Variants in CSGALNACT1 observed in about 807,000 individuals in gnomAD.
The protein encoded by CSGALNACT1 is chondroitin sulfate N-acetylgalactosaminyltransferase 1.
Under a neutral mutation model 51.0 loss-of-function variants are expected in CSGALNACT1, and 52 were observed. The observed-to-expected ratio is 1.02, with a 90% CI of 0.82 to 1.29. The LOEUF (loss-of-function observed/expected upper bound fraction) is 1.29. CSGALNACT1 is among the 50% of genes most tolerant of loss of function. The pLI is 0.00. For missense variants in CSGALNACT1, 935 were observed against 679.2 expected, an observed-to-expected ratio of 1.38 and a Z score of -4.19; for synonymous variants, 341 against 254.4, an observed-to-expected ratio of 1.34 and a Z score of -3.24.
At chr8:19,645,575 C>T (rs770085946) in intron 1 of CSGALNACT1, among the ~76,000 whole-genome samples, 9 of 152,282 alleles carry the variant, frequency 5.9e-5, no homozygotes, top group Admixed American at 4.6e-4. Context: ...GAAGGGTGGG[C>T]GTAAGGTTGA....
intron 4 of CSGALNACT1, among the ~76,000 whole-genome samples, chr8:19,474,191 C>T (rs2068856683): frequency 6.6e-6 from 1 of 152,118 alleles, no homozygotes; most frequent in African/African-American, 2.4e-5. Context: ...TTTCTTGTCT[C>T]TGTGGGCTCC....
At chr8:19,577,354 G>A (rs1024781669) in intron 3 of CSGALNACT1, among the ~76,000 whole-genome samples, 12 of 149,920 alleles carry the variant, frequency 8.0e-5, no homozygotes, top group African/African-American at 3.0e-4. Flanking sequence ...CTTGAGGCCA[G>A]GGGTTTGAGA....
chr8:19,638,488 G>T (rs1462854600), intron 1 of CSGALNACT1, among the ~76,000 whole-genome samples: 1 of 152,118 alleles, frequency 6.6e-6, no homozygotes, highest in Non-Finnish European at 1.5e-5. Context: ...GTTCTCAGCA[G>T]CATTACAATA....
chr8:19,511,858 C>A lies in CSGALNACT1; in HGVS notation c.-296-5728G>T, dbSNP rs960382026. Among the ~76,000 whole-genome samples, 4 of 152,282 alleles carry A rather than the reference C, an allele frequency of 2.6e-5. No homozygotes were observed. In the East Asian group the frequency reaches 5.8e-4, roughly 22 times the overall value. Reference sequence around the variant, plus strand: ...CTTACAATCATGGTGGAAGGGAAACCAAGCATATCTTCACATGGCAGCAGA... The same window carrying A: ...CTTACAATCATGGTGGAAGGGAAACAAAGCATATCTTCACATGGCAGCAGA... On this transcript the variant is annotated intron_variant, in intron 3 of 9. Transcript: ENST00000454498.
chr8:19,619,854 GGCAGTATAAT>G (rs1247623908), intron 1 of CSGALNACT1, among the ~76,000 whole-genome samples: 1 of 152,164 alleles, frequency 6.6e-6, no homozygotes, highest in Non-Finnish European at 1.5e-5. Context: ...GTTGACAAGA[GGCAGTATAAT>G]GCAGTGGTCA....
intron 1 of CSGALNACT1, among the ~76,000 whole-genome samples, chr8:19,614,685 T>A (rs886775839): frequency 6.6e-6 from 1 of 152,198 alleles, no homozygotes; most frequent in Non-Finnish European, 1.5e-5. Context: ...AATAGGTGTT[T>A]AATAAACTCT....
At chr8:19,476,613 A>G (rs2069727883) in intron 4 of CSGALNACT1, among the ~76,000 whole-genome samples, 1 of 152,078 alleles carries the variant, frequency 6.6e-6, no homozygotes, top group Non-Finnish European at 1.5e-5. Flanking sequence ...CTTGAATCAC[A>G]GGGGCCTATA....
intron 6 of CSGALNACT1, among the ~76,000 whole-genome samples, chr8:19,430,214 A>T (rs1288771108): frequency 1.3e-5 from 2 of 152,212 alleles, no homozygotes; most frequent in Non-Finnish European, 2.9e-5. Context: ...AGTTCAACTT[A>T]TCTGCTTATT....
chr8:19,605,384 T>A (rs1225918329), upstream of CSGALNACT1, among the ~76,000 whole-genome samples: 1 of 152,054 alleles, frequency 6.6e-6, no homozygotes, highest in East Asian at 1.9e-4. Context: ...CGCAGTGAGC[T>A]GAGACGGTGC....
chr8:19,516,103 T>A (rs1323678410), intron 3 of CSGALNACT1, among the ~76,000 whole-genome samples: 1 of 152,126 alleles, frequency 6.6e-6, no homozygotes, highest in East Asian at 1.9e-4. Context: ...AAACCAGCCT[T>A]CCAACACCCT....
At chr8:19,654,127 T>G (rs567799127) in intron 1 of CSGALNACT1, among the ~76,000 whole-genome samples, 5 of 152,326 alleles carry the variant, frequency 3.3e-5, no homozygotes, top group Non-Finnish European at 7.3e-5. Context: ...GCTTTCAGAG[T>G]GCTTGAGGAC....
chr8:19,459,704 C>T (rs898971909), intron 4 of CSGALNACT1, among the ~76,000 whole-genome samples: 21 of 152,280 alleles, frequency 1.4e-4, no homozygotes, highest in African/African-American at 5.1e-4. Flanking sequence ...CTTCATGCTC[C>T]TGTGCCTCAT....
chr8:19,640,464 C>A (rs764010060), intron 1 of CSGALNACT1, among the ~76,000 whole-genome samples: 7 of 152,150 alleles, frequency 4.6e-5, no homozygotes, highest in Non-Finnish European at 7.4e-5. Context: ...TAAAGACATT[C>A]TCAATGTAAC....
intron 1 of CSGALNACT1, among the ~76,000 whole-genome samples, chr8:19,666,972 A>T (rs192479772): frequency 1.3e-3 from 11 of 8,504 alleles, no homozygotes; most frequent in African/African-American, 9.5e-3. Flanking sequence ...AGAAAGAAAG[A>T]AAGAAAGAAA....
intron 1 of CSGALNACT1, among the ~76,000 whole-genome samples, chr8:19,687,718 T>C (rs540873738): frequency 1.3e-5 from 2 of 152,230 alleles, no homozygotes; most frequent in Non-Finnish European, 2.9e-5. Flanking sequence ...TAGTCTTTGA[T>C]CTTTACTCCT....
At chr8:19,644,709 CAAAAA>C (rs756025465) in intron 1 of CSGALNACT1, among the ~76,000 whole-genome samples, 2 of 22,292 alleles carry the variant, frequency 9.0e-5, no homozygotes, top group South Asian at 2.1e-3. Context: ...GACTCCGTCT[CAAAAA>C]AAAAAAAAAA....
chr8:19,695,757 C>T (rs1178411859), intron 1 of CSGALNACT1, among the ~76,000 whole-genome samples: 2 of 152,168 alleles, frequency 1.3e-5, no homozygotes, highest in African/African-American at 4.8e-5. Context: ...ATATCATGCA[C>T]ATGTTGTTTA....
chr8:19,733,392 C>A (rs1372036855), intron 1 of CSGALNACT1, among the ~76,000 whole-genome samples: 1 of 152,148 alleles, frequency 6.6e-6, no homozygotes, highest in Admixed American at 6.5e-5. Flanking sequence ...AAAAGAGATT[C>A]CATTATTGCC....
intron 2 of CSGALNACT1, among the ~76,000 whole-genome samples, chr8:19,599,056 G>A (rs920129497): frequency 7.9e-5 from 12 of 152,046 alleles, no homozygotes; most frequent in Non-Finnish European, 1.5e-4. Context: ...GCTTCAAGGA[G>A]TGACAGCTGG....
Sources: allele counts gnomAD v4.1 joint callset (sites outside exome capture counted in the v4.1 genomes callset), GRCh38; gene constraint gnomAD v4.1.1; transcripts MANE v1.5; gene names NCBI Gene and HGNC (gene_info 2026-07-23, HGNC 2026-07-21).